SERINC4: variants seen among roughly 807,000 people sequenced by gnomAD.
SERINC4 encodes serine incorporator 4.
SERINC4 carries 52 observed loss-of-function variants against 52.0 expected under a neutral mutation model. The observed-to-expected ratio is 1.00, with a 90% CI of 0.80 to 1.26. The LOEUF is 1.26. Among genes scored for constraint, SERINC4 ranks in the 50% most tolerant of loss-of-function variants. The pLI is 0.00. For missense variants in SERINC4, 723 were observed against 632.8 expected (o/e 1.14, Z -1.53); for synonymous variants, 264 against 247.7 (o/e 1.07, Z -0.62).
rs747888537 is a variant in SERINC4, at chr15:43,799,062, CAGCCCCAG to C, written c.347_354del (p.Ser116CysfsTer34). ...GCGGTTCCTGCACATACTCGGTACA[CAGCCCCAG>C]AGCCACTGAGCACTGGACAGTCAGA... On this transcript the variant is annotated frameshift_variant, in exon 3 of 12. Transcript: ENST00000319327. LOFTEE classifies it high-confidence loss of function. The C allele has an allele frequency of 1.7e-5, 27 of 1,550,462 alleles. No individual in the cohort carries two copies. The South Asian group carries it at 3.1e-4, about 18-fold the overall frequency.
In SERINC4 at chr15:43,795,143, A is replaced by G; in HGVS notation, c.1414T>C (p.Ser472Pro). The G allele has an allele frequency of 6.2e-7, 1 of 1,614,152 alleles. No individual in the cohort carries two copies. Among genetic ancestry groups the G allele is most frequent in the South Asian group, 1.1e-5 (1 of 91,090 alleles). The change falls in exon 12 of 12, where the codon TCA (serine) becomes CCA (proline). Residue 472 changes from serine (S) to proline (P), a missense_variant. Physicochemically the swap from Ser to Pro is moderately conservative, Grantham distance 74. Coordinates refer to ENST00000319327, the MANE Select transcript of SERINC4 (RefSeq NM_001258031.2). ...TAGAGGAGTACGCAGGCCCAGCATG[A>G]GGCAACCTTGACCCAGAAGGTGGCC... ...SWATFWVKVA[S>P]CWACVLLYLG...
intron 7 of SERINC4, 43 bp downstream of exon 7, chr15:43,796,802 A>G (rs1441769006): frequency 6.2e-7 from 1 of 1,609,978 alleles, no homozygotes; most frequent in Non-Finnish European, 8.5e-7. Flanking sequence ...TGGCAGGGGC[A>G]AAAAAAGGTC....
intron 5 of SERINC4, 67 bp from the exon 6 acceptor site, chr15:43,797,423 T>C: frequency 3.2e-6 from 4 of 1,241,564 alleles, no homozygotes; most frequent in Non-Finnish European, 3.4e-6. Flanking sequence ...TTGGGAGTCT[T>C]GCTCTGTTGC....
chr15:43,798,571 G>T, intron 3 of SERINC4, 67 bp from the exon 4 acceptor site: 1 of 1,228,902 alleles, frequency 8.1e-7, no homozygotes, highest in South Asian at 1.2e-5. Context: ...GAGTGCCTAT[G>T]GGGAAAGGCA....
chr15:43,795,577 C>T (rs1214083244), intron 10 of SERINC4, 36 bp from the exon 11 acceptor site: 1 of 1,613,442 alleles, frequency 6.2e-7, no homozygotes, highest in South Asian at 1.1e-5. Context: ...AGCAGAGCTG[C>T]TGAAACACCT....
chr15:43,795,327 T>C (rs2141687800), intron 11 of SERINC4, 61 bp downstream of exon 11: 12 of 1,605,582 alleles, frequency 7.5e-6, no homozygotes, highest in Admixed American at 1.7e-5. Context: ...TGGCCTTGAA[T>C]TGCTCTTTCC....
Position 43,796,896 on chromosome 15 carries a change from A to G in SERINC4, c.889T>C (p.Tyr297His), listed in dbSNP as rs776365250. ...GLLQASVISC[Y>H]IMYLTFSALS... is the part of the protein sequence containing the mutation. ...GCAGAGAAAGTCAGATACATGATAT[A>G]GCAGCTGATGACAGAAGCTTGTAGG... Residue 297 changes from tyrosine (Y) to histidine (H), a missense_variant, in exon 7 of 12, where the codon TAT (tyrosine) becomes CAT (histidine). Physicochemically the swap from Tyr to His is moderately conservative, Grantham distance 83 (BLOSUM62 2). Coordinates refer to ENST00000319327, the MANE Select transcript of SERINC4 (RefSeq NM_001258031.2). 3.1e-6 allele frequency: 5 copies of G among 1,614,030 alleles called. No individual in the cohort carries two copies. The highest frequency in any genetic ancestry group is 2.7e-5 in the African/African-American group (2 of 74,904).
rs566048052 is a variant in SERINC4, at chr15:43,798,478, A to G, written c.485T>C (p.Leu162Pro). Reference sequence around the variant, plus strand: ...GAAGGCAATAGCACAGAGACCTAACAGGAACAGCAGCTTGAGGAGCCAGAA... The same window carrying G: ...GAAGGCAATAGCACAGAGACCTAACGGGAACAGCAGCTTGAGGAGCCAGAA... ...NSFWLLKLLF[L>P]LGLCAIAFCI... Residue 162 changes from leucine to proline, a missense_variant, in exon 4 of 12, where the codon CTG becomes CCG. Transcript: ENST00000319327. 16 of 1,613,968 alleles carry G rather than the reference A, an allele frequency of 9.9e-6. No individual in the cohort carries two copies. In the South Asian group the frequency reaches 1.5e-4, roughly 16 times the overall value.
chr15:43,799,169 A>T, intron 2 of SERINC4, 32 bp from the exon 3 acceptor site: 1 of 1,539,126 alleles, frequency 6.5e-7, no homozygotes, highest in Non-Finnish European at 8.8e-7. Flanking sequence ...ATGGCAGGAC[A>T]AGTCATAATG....
At position 43,800,200 on chromosome 15, in the gene SERINC4, C is replaced by T. The variant is rs2087291126; in HGVS notation, c.-214G>A. On this transcript the variant is annotated 5_prime_UTR_variant, in exon 1 of 12. Coordinates refer to ENST00000319327, the MANE Select transcript of SERINC4 (RefSeq NM_001258031.2). ...CTTTGTCCTTAGGGCCTCAACACTG[C>T]GGCCACTCAGGCTGTTCTCTCCAGA... is the stretch of plus-strand genomic sequence containing the variant. 1 of 587,480 alleles carries T rather than the reference C, an allele frequency of 1.7e-6. No homozygotes were observed. The highest frequency in any genetic ancestry group is 3.0e-6 in the Non-Finnish European group (1 of 331,660). 36.4% of individuals were successfully genotyped at this position (587,480 alleles called of 1,614,324 possible). A position where few individuals can be genotyped will look rare whatever the true frequency, so the allele number is the denominator to read the frequency against.
At position 43,799,735 on chromosome 15, in the gene SERINC4, G is replaced by A. The variant is rs560304379; in HGVS notation, c.102+150C>T. On this transcript the variant is annotated intron_variant, in intron 1 of 11. Coordinates refer to ENST00000319327, the MANE Select transcript of SERINC4 (RefSeq NM_001258031.2). ...CCTTTCTCTCGACCTAAACACCTGG[G>A]GCTGGAAACATGGCGGGAGAGATTT... 6.1e-6 allele frequency: 5 copies of A among 822,568 alleles called. No homozygotes were observed. In the African/African-American group the frequency reaches 6.8e-5, roughly 11 times the overall value. 51.0% of individuals were successfully genotyped at this position (822,568 alleles called of 1,614,324 possible).
rs1179519853 is a variant in SERINC4 at position 43,796,847 on chromosome 15, C to A, written c.938G>T (p.Arg313Ile). Residue 313 changes from arginine (R) to isoleucine (I), a missense_variant and splice_region_variant, in exon 7 of 12, where the codon AGA becomes ATA. Coordinates refer to ENST00000319327, the MANE Select transcript of SERINC4 (RefSeq NM_001258031.2). The part of the protein sequence containing the change: ...FSALSSRPPE[R>I]VILQGQNHTL... Reference sequence around the variant, plus strand: ...AGAATCCAGGTCCTGTCCCTTACCTCTCTCTGGAGGACGGCTGGACAGTGC... The same window carrying A: ...AGAATCCAGGTCCTGTCCCTTACCTATCTCTGGAGGACGGCTGGACAGTGC... The A allele has an allele frequency of 6.2e-7, 1 of 1,613,912 alleles. No homozygotes were observed.
chr15:43,796,320 A>G (rs1271641048), intron 8 of SERINC4, 93 bp from the exon 9 acceptor site: 2 of 967,024 alleles, frequency 2.1e-6, no homozygotes, highest in East Asian at 4.9e-5. Context: ...TAATCCTCAA[A>G]AGGGTACCAT....
At chr15:43,799,758 T>C in intron 1 of SERINC4, 127 bp downstream of exon 1, 2 of 865,912 alleles carry the variant, frequency 2.3e-6, no homozygotes, top group South Asian at 2.8e-5. Context: ...GCGGGAGAGA[T>C]TTACAGATTA....
chr15:43,799,065 C>T lies in SERINC4; in HGVS notation c.352G>A (p.Ala118Thr), dbSNP rs1439997529. 1.3e-6 allele frequency: 2 copies of T among 1,550,368 alleles called. No individual in the cohort carries two copies. The highest frequency in any genetic ancestry group is 1.4e-5 in the African/African-American group (1 of 72,990). ...SDCPVLSGSG[A>T]VYRVCAGTAT... Reference sequence around the variant, plus strand: ...GTTCCTGCACATACTCGGTACACAGCCCCAGAGCCACTGAGCACTGGACAG... The same window carrying T: ...GTTCCTGCACATACTCGGTACACAGTCCCAGAGCCACTGAGCACTGGACAG... Residue 118 changes from alanine (A) to threonine (T), a missense_variant, in exon 3 of 12, where the codon GCT becomes ACT. By Grantham distance (58) the Ala-to-Thr change is moderately conservative. Coordinates refer to ENST00000319327, the MANE Select transcript of SERINC4 (RefSeq NM_001258031.2).
chr15:43,795,441 G>T lies in SERINC4; in HGVS notation c.1290C>A (p.Phe430Leu). The change falls in exon 11 of 12, where the codon TTC becomes TTA. Residue 430 changes from phenylalanine (F) to leucine (L), a missense_variant. Transcript: ENST00000319327. ...CATAGAGTGAGGCAAGGAAGAAGAC[G>T]AAGTGGAAGGCAGAATAGTTGTAGG... ...HLSYNYSAFH[F>L]VFFLASLYVM... is the part of the protein sequence containing the mutation. 6.2e-7 allele frequency: 1 copy of T among 1,614,204 alleles called. No individual in the cohort carries two copies. Among genetic ancestry groups the T allele is most frequent in the Non-Finnish European group, 8.5e-7 (1 of 1,180,030 alleles).
intron 1 of SERINC4, 189 bp downstream of exon 1, chr15:43,799,696 C>T (rs1443257785): frequency 3.7e-6 from 3 of 808,886 alleles, no homozygotes; most frequent in Non-Finnish European, 6.4e-6. Flanking sequence ...TATAAGCAGG[C>T]TTGAGATATC....
At chr15:43,796,579 C>T (rs1235562032) in intron 8 of SERINC4, 37 bp downstream of exon 8, 2 of 1,611,404 alleles carry the variant, frequency 1.2e-6, no homozygotes, top group Admixed American at 1.7e-5. Flanking sequence ...CTTGGGCACC[C>T]TCCTTTCATA....
intron 8 of SERINC4, 194 bp downstream of exon 8, chr15:43,796,422 C>A (rs1197913615): frequency 6.5e-5 from 46 of 713,108 alleles, no homozygotes; most frequent in Non-Finnish European, 9.6e-5. Flanking sequence ...TCAAGTCATT[C>A]CCCCCACCCC....
Sources: allele counts gnomAD v4.1 joint callset, GRCh38; gene constraint gnomAD v4.1.1; transcripts MANE v1.5; gene names NCBI Gene and HGNC (gene_info 2026-07-23, HGNC 2026-07-21).